PRIM2: variants seen among roughly 807,000 people sequenced by gnomAD.
The protein encoded by PRIM2 is DNA primase large subunit.
In PRIM2, 39 loss-of-function variants were observed where a neutral mutation model predicts 67.3. That is an observed-to-expected ratio of 0.58 (90% confidence interval 0.45 to 0.76). The LOEUF is 0.76. PRIM2 is among the 30% of genes least tolerant of loss of function. The pLI is 0.00. For synonymous variants in PRIM2, 143 were observed against 198.7 expected (o/e 0.72, Z 2.36); for missense variants, 398 against 598.7 (o/e 0.66, Z 3.50).
chr6:57,382,344 C>G, intron 7 of PRIM2, 176 bp downstream of exon 7: 1 of 701,530 alleles, frequency 1.4e-6, no homozygotes, highest in Non-Finnish European at 2.1e-6. Flanking sequence ...TTATTTGTTA[C>G]TATCCATAGT....
At chr6:57,265,643 T>A in the PRIM2 span, among the ~76,000 whole-genome samples, 2 of 152,234 alleles carry the variant, frequency 1.3e-5, no homozygotes. Context: ...AATCTATCAA[T>A]TTATCCTATA....
chr6:57,347,691 A>G (rs2127298566), intron 5 of PRIM2, among the ~76,000 whole-genome samples: 1 of 152,278 alleles, frequency 6.6e-6, no homozygotes, highest in East Asian at 1.9e-4. Context: ...TGATCCTTGC[A>G]ACTTGGCCTC....
intron 12 of PRIM2, among the ~76,000 whole-genome samples, chr6:57,610,752 A>G (rs1300197645): frequency 6.6e-6 from 1 of 152,204 alleles, no homozygotes; most frequent in Non-Finnish European, 1.5e-5. Flanking sequence ...AGACAAATCC[A>G]CAGTTATATT....
At chr6:57,446,642 G>A (rs531284909) in intron 7 of PRIM2, among the ~76,000 whole-genome samples, 4,981 of 151,938 alleles carry the variant, frequency 0.033, 275 homozygotes, top group African/African-American at 0.11. Flanking sequence ...TATCCATTCA[G>A]TTATTAGTGG....
chr6:57,421,686 C>T (rs1771471071), intron 7 of PRIM2, among the ~76,000 whole-genome samples: 1 of 152,180 alleles, frequency 6.6e-6, no homozygotes, highest in Non-Finnish European at 1.5e-5. Flanking sequence ...CCTTTTATTT[C>T]AGCTTTCCAT....
intron 7 of PRIM2, among the ~76,000 whole-genome samples, chr6:57,444,291 G>A (rs1181175018): frequency 6.6e-6 from 1 of 152,078 alleles, no homozygotes; most frequent in Non-Finnish European, 1.5e-5. Context: ...ATTATAGGCT[G>A]GGCGCGGTAG....
rs1582010503 is a variant in PRIM2 at position 57,594,880 on chromosome 6, G to C, written c.1021-6213G>C. 2.0e-5 allele frequency among the ~76,000 whole-genome samples: 3 copies of C among 152,260 alleles called. No individual in the cohort carries two copies. In the East Asian group the frequency reaches 5.8e-4, roughly 29 times the overall value. ...TTGTTACAATTACATTTGACAAAAG[G>C]CTTGTGTCCAGAATATATAAAGAAT... On this transcript the variant is annotated intron_variant, in intron 10 of 13. Transcript: ENST00000615550.
At chr6:57,347,212 G>C (rs1704038753) in intron 5 of PRIM2, among the ~76,000 whole-genome samples, 3 of 152,026 alleles carry the variant, frequency 2.0e-5, no homozygotes, top group Non-Finnish European at 1.5e-5. Context: ...AAGGAATAAG[G>C]CTTCTGTATG....
At chr6:57,292,551 C>T in the PRIM2 span, among the ~76,000 whole-genome samples, 1 of 152,106 alleles carries the variant, frequency 6.6e-6, no homozygotes, top group African/African-American at 2.4e-5. Context: ...CAATCCCAAG[C>T]CAAAAGAACA....
intron 10 of PRIM2, among the ~76,000 whole-genome samples, chr6:57,590,667 T>C (rs1776268365): frequency 1.3e-5 from 2 of 152,306 alleles, no homozygotes; most frequent in South Asian, 4.1e-4. Context: ...GGGTTCTTTC[T>C]CAACTGACTT....
At chr6:57,519,169 G>A (rs1269177615) in intron 8 of PRIM2, among the ~76,000 whole-genome samples, 1 of 152,186 alleles carries the variant, frequency 6.6e-6, no homozygotes, top group African/African-American at 2.4e-5. Flanking sequence ...GGCAAGTGGA[G>A]GCAGGGCGAG....
chr6:57,274,458 T>C, the PRIM2 span, among the ~76,000 whole-genome samples: 4 of 152,170 alleles, frequency 2.6e-5, no homozygotes, highest in East Asian at 1.9e-4. Flanking sequence ...TGGTGTACCG[T>C]TTTTTAAACC....
chr6:57,466,223 G>T (rs1251669964), intron 7 of PRIM2, among the ~76,000 whole-genome samples: 4 of 152,122 alleles, frequency 2.6e-5, no homozygotes, highest in Non-Finnish European at 4.4e-5. Context: ...GTCTATCATT[G>T]ATGGACATTT....
intron 10 of PRIM2, among the ~76,000 whole-genome samples, chr6:57,569,891 G>A (rs1302869308): frequency 1.3e-5 from 2 of 151,904 alleles, no homozygotes; most frequent in Admixed American, 6.6e-5. Flanking sequence ...CTACAGGCAC[G>A]TGCCACCACG....
chr6:57,415,643 T>C (rs1318125068), intron 7 of PRIM2, among the ~76,000 whole-genome samples: 1 of 152,214 alleles, frequency 6.6e-6, no homozygotes, highest in African/African-American at 2.4e-5. Flanking sequence ...TTCAGTGTGC[T>C]GCATTATTTC....
rs1408454675 is a variant in PRIM2, at chr6:57,471,122, G to A, written c.694-36265G>A. Among the ~76,000 whole-genome samples the A allele has an allele frequency of 7.2e-5, 11 of 151,902 alleles. No individual in the cohort carries two copies. In the South Asian group the frequency reaches 8.3e-4, roughly 12 times the overall value. ...TTTTCCATCCAAAGTCTAATTTTCCGAGTCCCTTGGAATTTTAGATCTTGC... is the reference window on the plus strand; with the variant it reads ...TTTTCCATCCAAAGTCTAATTTTCCAAGTCCCTTGGAATTTTAGATCTTGC... On this transcript the variant is annotated intron_variant, in intron 7 of 13. Coordinates refer to ENST00000615550, the MANE Select transcript of PRIM2 (RefSeq NM_000947.5).
chr6:57,601,126 A>G lies in PRIM2; in HGVS notation c.1054A>G (p.Ser352Gly). 3.1e-6 allele frequency: 5 copies of G among 1,612,476 alleles called. No individual in the cohort carries two copies. The highest frequency in any genetic ancestry group is 3.4e-6 in the Non-Finnish European group (4 of 1,179,048). The change falls in exon 11 of 14, where the codon AGC (serine) becomes GGC (glycine). Residue 352 changes from serine (S) to glycine (G), a missense_variant. Ser to Gly is a moderately conservative substitution (Grantham distance 56). Transcript: ENST00000615550. ...DKGYSYNIRH[S>G]FGKEGKRTDY... ...AGGTTACTCTTACAACATCCGTCAC[A>G]GCTTTGGAAAGGAAGGCAAGAGGAC...
intron 10 of PRIM2, among the ~76,000 whole-genome samples, chr6:57,540,604 T>C (rs1775127194): frequency 6.6e-6 from 1 of 152,288 alleles, no homozygotes; most frequent in East Asian, 1.9e-4. Context: ...AAATTAAGTA[T>C]ATATGAATGT....
At chr6:57,426,924 T>C (rs1771651100) in intron 7 of PRIM2, among the ~76,000 whole-genome samples, 1 of 152,232 alleles carries the variant, frequency 6.6e-6, no homozygotes, top group Non-Finnish European at 1.5e-5. Flanking sequence ...AGAATCCTAT[T>C]TCATATAATT....
Sources: gnomAD v4.1 joint callset for allele counts (sites outside exome capture counted in the v4.1 genomes callset) on GRCh38, gnomAD v4.1.1 for gene constraint, MANE v1.5 for transcripts, NCBI Gene and HGNC (gene_info 2026-07-23, HGNC 2026-07-21) for gene names.